The following ASTN2 variants were observed in gnomAD, a reference collection of about 807,000 sequenced individuals.
ASTN2 encodes astrotactin 2.
In ASTN2, 54 loss-of-function variants were observed where a neutral mutation model predicts 139.8. That is an observed-to-expected ratio of 0.39 (90% confidence interval 0.31 to 0.48). The LOEUF (loss-of-function observed/expected upper bound fraction) is 0.48. Ranked by LOEUF, ASTN2 falls within the 20% of genes least tolerant of loss-of-function variation. The pLI is 0.95. For synonymous variants in ASTN2, 756 were observed against 719.5 expected, an observed-to-expected ratio of 1.05 and a Z score of -0.81; for missense variants, 1,565 against 1,725.1, an observed-to-expected ratio of 0.91 and a Z score of 1.64.
intron 1 of ASTN2, among the ~76,000 whole-genome samples, chr9:117,374,962 G>A (rs575110039): frequency 1.3e-5 from 2 of 152,134 alleles, no homozygotes; most frequent in Non-Finnish European, 2.9e-5. Context: ...TCTTTTTCCA[G>A]TTGACTCAGC....
intron 16 of ASTN2, among the ~76,000 whole-genome samples, chr9:116,660,758 G>A (rs1858512000): frequency 6.6e-6 from 1 of 152,176 alleles, no homozygotes; most frequent in African/African-American, 2.4e-5. Context: ...GAATGCGTAA[G>A]TCCAAAACTG....
intron 10 of ASTN2, among the ~76,000 whole-genome samples, chr9:116,885,605 G>T (rs990751319): frequency 2.6e-5 from 4 of 152,218 alleles, no homozygotes; most frequent in African/African-American, 9.6e-5. Flanking sequence ...CGCAGAGGTT[G>T]CAGTGGGCCA....
chr9:117,316,456 T>C (rs1323096698), intron 1 of ASTN2, among the ~76,000 whole-genome samples: 1 of 152,064 alleles, frequency 6.6e-6, no homozygotes, highest in African/African-American at 2.4e-5. Flanking sequence ...TTCTTCACTC[T>C]CTCCCTCATG....
chr9:116,802,503 C>T (rs1830891059), intron 13 of ASTN2, among the ~76,000 whole-genome samples: 1 of 152,164 alleles, frequency 6.6e-6, no homozygotes, highest in Admixed American at 6.5e-5. Flanking sequence ...TGACCAAGTC[C>T]TTTCCCTGCA....
intron 2 of ASTN2, among the ~76,000 whole-genome samples, chr9:117,269,738 A>T (rs1191259010): frequency 6.6e-6 from 1 of 152,186 alleles, no homozygotes; most frequent in Non-Finnish European, 1.5e-5. Context: ...CCATCATTCT[A>T]ATTTGCATAC....
intron 5 of ASTN2, among the ~76,000 whole-genome samples, chr9:117,066,610 G>A (rs953167830): frequency 6.6e-6 from 1 of 150,952 alleles, no homozygotes; most frequent in Non-Finnish European, 1.5e-5. Context: ...TTCCACAATG[G>A]TTGAACTAGT....
intron 16 of ASTN2, among the ~76,000 whole-genome samples, chr9:116,723,828 A>AAAGTGCCTTGGGAGCAAGTAAAG (rs1455882615): frequency 6.6e-6 from 1 of 152,208 alleles, no homozygotes; most frequent in Non-Finnish European, 1.5e-5. Flanking sequence ...GGGAGCAAGT[A>AAAGTGCCTTGGGAGCAAGTAAAG]TGGACGATGG....
chr9:116,831,431 A>C (rs1831811351), intron 11 of ASTN2, among the ~76,000 whole-genome samples: 1 of 152,190 alleles, frequency 6.6e-6, no homozygotes, highest in Non-Finnish European at 1.5e-5. Flanking sequence ...CCTTCTTTAG[A>C]ACATTTAACA....
At chr9:116,745,572 T>C (rs1285741822) in intron 13 of ASTN2, among the ~76,000 whole-genome samples, 2 of 152,144 alleles carry the variant, frequency 1.3e-5, no homozygotes, top group East Asian at 3.9e-4. Context: ...GATTCAATGG[T>C]CAATGCTGCA....
intron 6 of ASTN2, among the ~76,000 whole-genome samples, chr9:117,036,946 T>G (rs1005611856): frequency 1.3e-5 from 2 of 152,178 alleles, no homozygotes; most frequent in African/African-American, 4.8e-5. Context: ...TAAAACATCT[T>G]GATTTCTATG....
rs146581556 is a variant in ASTN2, at chr9:116,487,615, A to G, written c.3356-115T>C. 1.5e-3 allele frequency: 1,599 copies of G among 1,039,840 alleles called. 13 individuals are homozygous for G. The African/African-American group carries it at 0.022, about 14-fold the overall frequency. 64.4% of individuals were successfully genotyped at this position (1,039,840 alleles called of 1,614,324 possible). A position where few individuals can be genotyped will look rare whatever the true frequency, so the allele number is the denominator to read the frequency against. ...ATACCATTATCAAGAAAAATAATGG[A>G]TAGAAAAAGCAAAAGATATGAAAAT... is the stretch of plus-strand genomic sequence containing the variant. On this transcript the variant is annotated intron_variant, in intron 19 of 22. Coordinates refer to ENST00000313400, the MANE Select transcript of ASTN2 (RefSeq NM_001365068.1).
intron 13 of ASTN2, among the ~76,000 whole-genome samples, chr9:116,749,108 G>A (rs755725509): frequency 1.3e-5 from 2 of 152,002 alleles, no homozygotes; most frequent in Non-Finnish European, 2.9e-5. Flanking sequence ...TCAGAAAAAT[G>A]GAAATAATAA....
At chr9:117,001,543 A>C (rs897881306) in intron 7 of ASTN2, among the ~76,000 whole-genome samples, 5 of 152,096 alleles carry the variant, frequency 3.3e-5, no homozygotes, top group Admixed American at 3.3e-4. Flanking sequence ...CCACTCTCCC[A>C]GTGCTCTGCC....
At chr9:116,601,386 C>T (rs982274610) in intron 19 of ASTN2, among the ~76,000 whole-genome samples, 1 of 152,000 alleles carries the variant, frequency 6.6e-6, no homozygotes, top group Non-Finnish European at 1.5e-5. Flanking sequence ...TATTGAGTGC[C>T]CATGGTATGC....
intron 16 of ASTN2, among the ~76,000 whole-genome samples, chr9:116,716,254 G>T (rs1349657868): frequency 6.6e-6 from 1 of 152,076 alleles, no homozygotes. Flanking sequence ...CGGAGAGTGG[G>T]GATGGTCTCC....
chr9:116,659,551 C>G (rs1471154515), intron 16 of ASTN2, among the ~76,000 whole-genome samples: 1 of 152,120 alleles, frequency 6.6e-6, no homozygotes, highest in Non-Finnish European at 1.5e-5. Flanking sequence ...GCTGTTTCTA[C>G]CCAGTTTTTC....
intron 10 of ASTN2, among the ~76,000 whole-genome samples, chr9:116,967,383 C>T (rs1192692756): frequency 2.6e-5 from 4 of 152,190 alleles, no homozygotes; most frequent in Non-Finnish European, 4.4e-5. Context: ...AATACCTCTT[C>T]TGTGTTTCAA....
At chr9:116,774,424 GC>G (rs1207516977) in intron 13 of ASTN2, among the ~76,000 whole-genome samples, 1 of 152,184 alleles carries the variant, frequency 6.6e-6, no homozygotes, top group Non-Finnish European at 1.5e-5. Flanking sequence ...GAAGATAGAA[GC>G]TTTCTTCTGG....
At chr9:117,327,998 G>C (rs745396227) in intron 1 of ASTN2, among the ~76,000 whole-genome samples, 1 of 152,116 alleles carries the variant, frequency 6.6e-6, no homozygotes, top group Non-Finnish European at 1.5e-5. Context: ...GAAAGTTAAA[G>C]GACCGAGCTT....
Sources: gnomAD v4.1 joint callset for allele counts (sites outside exome capture counted in the v4.1 genomes callset) on GRCh38, gnomAD v4.1.1 for gene constraint, MANE v1.5 for transcripts, NCBI Gene and HGNC (gene_info 2026-07-23, HGNC 2026-07-21) for gene names.